The following RPS6KB1 variants were observed in gnomAD, a reference collection of about 807,000 sequenced individuals.
RPS6KB1 encodes ribosomal protein S6 kinase B1.
In RPS6KB1, 12 loss-of-function variants were observed where a neutral mutation model predicts 70.2. The ratio of observed to expected loss-of-function variants is 0.17; its 90% CI spans 0.11 to 0.28. The LOEUF (loss-of-function observed/expected upper bound fraction) is 0.28, where lower values mean the gene tolerates loss of function less well. RPS6KB1 is among the 10% of genes least tolerant of loss of function. The pLI, the probability that RPS6KB1 is intolerant of heterozygous loss-of-function variation, is 1.00. For missense variants in RPS6KB1, 270 were observed against 646.6 expected (o/e 0.42, Z 6.32); for synonymous variants, 175 against 211.2 (o/e 0.83, Z 1.49).
At chr17:59,915,782 T>TTTATTTA (rs563832355) in intron 4 of RPS6KB1, among the ~76,000 whole-genome samples, 4 of 109,656 alleles carry the variant, frequency 3.6e-5, no homozygotes, top group South Asian at 3.0e-4. Flanking sequence ...TATCTTTTTT[T>TTTATTTA]TTTTTTTTTT....
At chr17:59,936,322 G>C (rs1291131610) in intron 11 of RPS6KB1, 45 bp downstream of exon 11, 2 of 1,552,338 alleles carry the variant, frequency 1.3e-6, no homozygotes, top group Non-Finnish European at 1.8e-6. Flanking sequence ...GATAATGCTA[G>C]TTTTATGTAT....
At chr17:59,942,005 C>T (rs180518) in intron 13 of RPS6KB1, among the ~76,000 whole-genome samples, 18,529 of 151,864 alleles carry the variant, frequency 0.12, 1,451 homozygotes, top group Middle Eastern at 0.19. Context: ...ACTACAGGTG[C>T]CCGCCACCAC....
At position 59,936,263 on chromosome 17, in the gene RPS6KB1, G is replaced by A. The variant is rs764576299; in HGVS notation, c.1027G>A (p.Ala343Thr). 3.1e-6 allele frequency: 5 copies of A among 1,596,276 alleles called. No individual in the cohort carries two copies. The highest frequency in any genetic ancestry group is 1.7e-4 in the Middle Eastern group (1 of 5,988). Residue 343 changes from alanine (A) to threonine (T), a missense_variant, in exon 11 of 15, where the codon GCT becomes ACT. Physicochemically the swap from Ala to Thr is moderately conservative, Grantham distance 58. Coordinates refer to ENST00000225577, the MANE Select transcript of RPS6KB1 (RefSeq NM_003161.4). ...ASRLGAGPGD[A>T]GEVQAHPFFR... ...TCGTCTGGGAGCTGGTCCTGGGGAC[G>A]CTGGAGAAGTTCAAGTAGGGATTGG...
In RPS6KB1 at chr17:59,912,750, C is replaced by T. The variant is rs1272384443; in HGVS notation, c.258C>T (p.Ile86=). 6.2e-7 allele frequency: 1 copy of T among 1,614,044 alleles called. No homozygotes were observed. The highest frequency in any genetic ancestry group is 8.5e-7 in the Non-Finnish European group (1 of 1,179,976). Residue 86 remains isoleucine (I), a synonymous_variant, in exon 3 of 15, where the codon ATC becomes ATT. Transcript: ENST00000225577. ...GTGTGAACAGAGGGCCAGAAAAAAT[C>T]AGACCAGAATGTTTTGAGCTACTTC... ...ETSVNRGPEK[I]RPECFELLRV...
intron 1 of RPS6KB1, among the ~76,000 whole-genome samples, chr17:59,908,920 AT>A (rs1405952501): frequency 2.5e-3 from 254 of 101,706 alleles, no homozygotes; most frequent in African/African-American, 4.0e-3. Context: ...GCCCGGCCAA[AT>A]TTTTTTTTTT....
chr17:59,934,466 A>G lies in RPS6KB1; in HGVS notation c.812A>G (p.Asn271Ser). 1.2e-6 allele frequency: 2 copies of G among 1,613,906 alleles called. No homozygotes were observed. Among genetic ancestry groups the G allele is most frequent in the Non-Finnish European group, 1.7e-6 (2 of 1,179,832 alleles). ...GAAATCTTGATGAGAAGTGGCCACA[A>G]TCGTGCTGTGGATTGGTGGAGTTTG... is the stretch of plus-strand genomic sequence containing the variant. ...APEILMRSGH[N>S]RAVDWWSLGA... The change falls in exon 9 of 15, where the codon AAT becomes AGT. Residue 271 changes from asparagine to serine, a missense_variant. Around this residue, in one of 4 missense-constraint regions of RPS6KB1, gnomAD observed 133 missense variants for 314.7 expected, o/e 0.42. Transcript: ENST00000225577. The surrounding 1 kb of genome is among the most constrained non-coding windows in gnomAD (Gnocchi z 4.8).
At chr17:59,918,044 C>T (rs1169430485) in intron 4 of RPS6KB1, among the ~76,000 whole-genome samples, 1 of 152,042 alleles carries the variant, frequency 6.6e-6, no homozygotes, top group Admixed American at 6.5e-5. Flanking sequence ...AGCGATTCCC[C>T]TGCCTCAGCC....
At chr17:59,942,261 T>C (rs1319918646) in intron 13 of RPS6KB1, among the ~76,000 whole-genome samples, 1 of 152,224 alleles carries the variant, frequency 6.6e-6, no homozygotes, top group South Asian at 2.1e-4. Context: ...GGGATTTTTT[T>C]AACATTAATT....
rs772798588 is a variant in RPS6KB1, at chr17:59,946,582, G to A, written c.1372G>A (p.Gly458Arg). The A allele has an allele frequency of 6.2e-7, 1 of 1,614,142 alleles. No homozygotes were observed. Among genetic ancestry groups the A allele is most frequent in the Non-Finnish European group, 8.5e-7 (1 of 1,180,018 alleles). ...PVKFSPGDFW[G>R]RGASASTANP... is the part of the protein sequence containing the mutation. Reference sequence around the variant, plus strand: ...CAAATTTTCTCCTGGGGATTTCTGGGGAAGAGGTGCTTCGGCCAGCACAGC... The same window carrying A: ...CAAATTTTCTCCTGGGGATTTCTGGAGAAGAGGTGCTTCGGCCAGCACAGC... The change falls in exon 15 of 15, where the codon GGA becomes AGA. Residue 458 changes from glycine to arginine, a missense_variant. This residue lies in a region of RPS6KB1 where 133 missense variants were observed against 314.7 expected (regional missense o/e 0.42). Coordinates refer to ENST00000225577, the MANE Select transcript of RPS6KB1 (RefSeq NM_003161.4). This position sits in a 1 kb window ranked among gnomAD's most constrained non-coding sequence, Gnocchi z 4.2.
At chr17:59,941,069 T>TA (rs2044550349) in intron 13 of RPS6KB1, 126 bp downstream of exon 13, 5 of 549,524 alleles carry the variant, frequency 9.1e-6, no homozygotes, top group Non-Finnish European at 1.3e-5. Flanking sequence ...TTTTTTTTTT[T>TA]AAATAAGCCA....
At chr17:59,901,251 G>A (rs1026834671) in intron 1 of RPS6KB1, among the ~76,000 whole-genome samples, 2 of 151,094 alleles carry the variant, frequency 1.3e-5, no homozygotes, top group Non-Finnish European at 3.0e-5. Context: ...CCAGGTTCAC[G>A]CCATTCTCCT....
chr17:59,931,828 T>C, intron 7 of RPS6KB1, 106 bp downstream of exon 7: 1 of 698,046 alleles, frequency 1.4e-6, no homozygotes, highest in East Asian at 2.7e-5. Context: ...CTATTTTGTA[T>C]ATTTCCTCCC....
At chr17:59,904,124 A>G (rs923424677) in intron 1 of RPS6KB1, among the ~76,000 whole-genome samples, 16 of 151,870 alleles carry the variant, frequency 1.1e-4, no homozygotes, top group Admixed American at 2.0e-4. Context: ...TCTGTTGCCC[A>G]GGCTGGAGTG....
At chr17:59,904,822 G>A (rs1404218820) in intron 1 of RPS6KB1, among the ~76,000 whole-genome samples, 3 of 149,768 alleles carry the variant, frequency 2.0e-5, no homozygotes, top group South Asian at 4.2e-4. Flanking sequence ...TCAGCCTCCC[G>A]AGTAGCTGGG....
chr17:59,923,601 C>G (rs192602358), intron 4 of RPS6KB1, among the ~76,000 whole-genome samples: 30 of 151,078 alleles, frequency 2.0e-4, no homozygotes, highest in Admixed American at 8.6e-4. Flanking sequence ...GCCTCCACCT[C>G]CTGCGTTCAA....
rs758995304 is a variant in RPS6KB1, at chr17:59,946,831, A to C, written c.*43A>C. ...TGAATTTAAGGCAAAAAAGGTGGAG[A>C]GGGAGATGTGTGAGCATCCTGCAAG... On this transcript the variant is annotated 3_prime_UTR_variant, in exon 15 of 15. Transcript: ENST00000225577. The surrounding 1 kb of genome is among the most constrained non-coding windows in gnomAD (Gnocchi z 4.2). 6.2e-7 allele frequency: 1 copy of C among 1,608,080 alleles called. No individual in the cohort carries two copies. The highest frequency in any genetic ancestry group is 2.2e-5 in the East Asian group (1 of 44,674).
chr17:59,939,145 A>C (rs950271858), intron 12 of RPS6KB1, among the ~76,000 whole-genome samples: 1 of 152,046 alleles, frequency 6.6e-6, no homozygotes, highest in Non-Finnish European at 1.5e-5. Context: ...ATAATGAATT[A>C]GTTCCCTAGC....
At chr17:59,943,133 AC>A (rs1465731098) in intron 13 of RPS6KB1, among the ~76,000 whole-genome samples, 1 of 152,236 alleles carries the variant, frequency 6.6e-6, no homozygotes, top group African/African-American at 2.4e-5. Flanking sequence ...TTACAGTATT[AC>A]ATAAGAGATA....
In RPS6KB1 at chr17:59,934,757, A is replaced by C; in HGVS notation, c.870+233A>C. 1 of 493,006 alleles carries C rather than the reference A, an allele frequency of 2.0e-6. No homozygotes were observed. The highest frequency in any genetic ancestry group is 3.6e-6 in the Non-Finnish European group (1 of 280,270). The allele number at this position is 493,006 out of a possible 1,614,324, so 30.5% of individuals were successfully genotyped here. ...GGCAGGCCTGTGAAATAGATGTTGA[A>C]TAGATAATGCCCTTATTTTATAAAT... On this transcript the variant is annotated intron_variant, in intron 9 of 14. Coordinates refer to ENST00000225577, the MANE Select transcript of RPS6KB1 (RefSeq NM_003161.4). The surrounding 1 kb of genome is among the most constrained non-coding windows in gnomAD (Gnocchi z 4.8).
Sources: allele counts gnomAD v4.1 joint callset (sites outside exome capture counted in the v4.1 genomes callset), GRCh38; gene constraint gnomAD v4.1.1; regional missense constraint gnomAD v4.1.1; non-coding constraint Gnocchi (gnomAD v3.1); transcripts MANE v1.5; gene names NCBI Gene and HGNC (gene_info 2026-07-23, HGNC 2026-07-21).